PDE11A: variants seen among roughly 807,000 people sequenced by gnomAD.
PDE11A encodes dual 3',5'-cyclic-AMP and -GMP phosphodiesterase 11A.
PDE11A carries 100 observed loss-of-function variants against 100.5 expected under a neutral mutation model. The ratio of observed to expected loss-of-function variants is 1.00; its 90% CI spans 0.85 to 1.18. PDE11A has a LOEUF of 1.18. Ranked by LOEUF, PDE11A falls within the 50% of genes most tolerant of loss-of-function variation. The probability of loss-of-function intolerance (pLI) is 0.00; values close to 1 mark genes in which losing one functional copy is unlikely to be tolerated. For missense variants in PDE11A, 1,141 were observed against 1,152.6 expected, an observed-to-expected ratio of 0.99 and a Z score of 0.15; for synonymous variants, 381 against 420.8, an observed-to-expected ratio of 0.91 and a Z score of 1.16.
At chr2:177,905,313 TAC>T (rs2084770002) in intron 2 of PDE11A, 126 bp from the exon 3 acceptor site, 2 of 604,352 alleles carry the variant, frequency 3.3e-6, no homozygotes, top group African/African-American at 1.8e-5. Flanking sequence ...AGAGATTGAA[TAC>T]AGAGAGTTGT....
chr2:177,704,417 G>T (rs2081248577), intron 13 of PDE11A, among the ~76,000 whole-genome samples: 1 of 151,418 alleles, frequency 6.6e-6, no homozygotes, highest in South Asian at 2.1e-4. Flanking sequence ...TACACTATTA[G>T]ATTTGGCCCC....
At chr2:177,705,793 GCC>G (rs1321429689) in intron 13 of PDE11A, among the ~76,000 whole-genome samples, 1 of 152,210 alleles carries the variant, frequency 6.6e-6, no homozygotes, top group African/African-American at 2.4e-5. Flanking sequence ...AGATTAATGT[GCC>G]CCAGTATTTC....
At chr2:177,669,472 A>C in intron 18 of PDE11A, 21 bp downstream of exon 18, 1 of 958,288 alleles carries the variant, frequency 1.0e-6, no homozygotes, top group South Asian at 1.3e-5. Flanking sequence ...TAAATACGTT[A>C]TAATTAAAGG....
intron 19 of PDE11A, among the ~76,000 whole-genome samples, chr2:177,635,778 C>T (rs1360000413): frequency 6.6e-6 from 1 of 151,966 alleles, no homozygotes; most frequent in African/African-American, 2.4e-5. Flanking sequence ...AATGGTAGTA[C>T]ACCATACAGA....
chr2:177,857,497 C>G (rs76727765), intron 5 of PDE11A, among the ~76,000 whole-genome samples: 12 of 151,922 alleles, frequency 7.9e-5, no homozygotes, highest in Non-Finnish European at 8.8e-5. Flanking sequence ...ATAGGCTTAT[C>G]GTATGAAAAG....
intron 2 of PDE11A, among the ~76,000 whole-genome samples, chr2:177,906,177 A>ACACGCACGCACG (rs3037874): frequency 6.6e-6 from 1 of 151,038 alleles, no homozygotes; most frequent in Non-Finnish European, 1.5e-5. Flanking sequence ...ACACACACAC[A>ACACGCACGCACG]CACGCACGCA....
intron 4 of PDE11A, among the ~76,000 whole-genome samples, chr2:177,882,243 T>A (rs1473891919): frequency 2.0e-5 from 3 of 152,172 alleles, no homozygotes; most frequent in African/African-American, 7.2e-5. Context: ...CTTATATTTT[T>A]AAAAAGAATT....
chr2:177,704,252 A>T (rs1339742567), intron 13 of PDE11A, among the ~76,000 whole-genome samples: 1 of 152,214 alleles, frequency 6.6e-6, no homozygotes, highest in African/African-American at 2.4e-5. Flanking sequence ...TTTTTCTCTG[A>T]TCAACCTTGC....
chr2:178,019,297 A>G (rs1395743572), intron 1 of PDE11A, among the ~76,000 whole-genome samples: 1 of 152,210 alleles, frequency 6.6e-6, no homozygotes, highest in East Asian at 1.9e-4. Context: ...AGTTCCGTTT[A>G]GGGAAGAAGT....
intron 1 of PDE11A, among the ~76,000 whole-genome samples, chr2:178,107,711 C>CTTTTT (rs772556248): frequency 1.4e-5 from 2 of 142,654 alleles, no homozygotes; most frequent in Non-Finnish European, 3.0e-5. Flanking sequence ...TTAACAATTC[C>CTTTTT]TTTTTTTTTC....
chr2:177,742,928 G>C (rs1199809242), intron 10 of PDE11A, among the ~76,000 whole-genome samples: 1 of 152,214 alleles, frequency 6.6e-6, no homozygotes, highest in South Asian at 2.1e-4. Context: ...GCCAGCAAGA[G>C]GAAAGTGTTA....
At chr2:177,942,318 A>G (rs964637923) in intron 2 of PDE11A, among the ~76,000 whole-genome samples, 2 of 152,254 alleles carry the variant, frequency 1.3e-5, no homozygotes, top group Admixed American at 1.3e-4. Context: ...TAAGGCATTT[A>G]AAACAGGACC....
At chr2:178,042,664 T>C (rs986148991) in intron 1 of PDE11A, among the ~76,000 whole-genome samples, 1 of 152,164 alleles carries the variant, frequency 6.6e-6, no homozygotes, top group Non-Finnish European at 1.5e-5. Flanking sequence ...TTTTACATGA[T>C]GGAGTTTCTA....
intron 2 of PDE11A, among the ~76,000 whole-genome samples, chr2:177,992,433 T>A (rs1008017802): frequency 6.6e-6 from 1 of 152,138 alleles, no homozygotes; most frequent in African/African-American, 2.4e-5. Flanking sequence ...GTTCTATGTA[T>A]ATAGATGGTA....
chr2:177,853,878 A>G (rs1372812267), intron 5 of PDE11A, among the ~76,000 whole-genome samples: 1 of 145,470 alleles, frequency 6.9e-6, no homozygotes, highest in Non-Finnish European at 1.5e-5. Flanking sequence ...GTATATAGAT[A>G]TCTATATATG....
At chr2:177,840,207 C>A (rs180956040) in intron 6 of PDE11A, 44 bp downstream of exon 6, 5 of 1,602,730 alleles carry the variant, frequency 3.1e-6, no homozygotes, top group African/African-American at 1.3e-5. Flanking sequence ...TTCAACAGTG[C>A]GACAACTGAA....
At chr2:177,646,914 T>A (rs1052315685) in intron 19 of PDE11A, among the ~76,000 whole-genome samples, 10 of 152,216 alleles carry the variant, frequency 6.6e-5, no homozygotes, top group Admixed American at 1.3e-4. Context: ...CAGTTTCTTG[T>A]GTTATAATGA....
At chr2:178,019,235 C>T (rs755963535) in intron 1 of PDE11A, among the ~76,000 whole-genome samples, 24 of 152,202 alleles carry the variant, frequency 1.6e-4, no homozygotes, top group Non-Finnish European at 2.9e-4. Context: ...TCTCACACTA[C>T]TAATTTCTAA....
intron 1 of PDE11A, among the ~76,000 whole-genome samples, chr2:178,017,217 T>G (rs2086349810): frequency 6.6e-6 from 1 of 152,280 alleles, no homozygotes; most frequent in South Asian, 2.1e-4. Flanking sequence ...TTGGCATGTA[T>G]GTAGAGACAT....
Sources: allele counts gnomAD v4.1 joint callset (sites outside exome capture counted in the v4.1 genomes callset), GRCh38; gene constraint gnomAD v4.1.1; transcripts MANE v1.5; gene names NCBI Gene and HGNC (gene_info 2026-07-23, HGNC 2026-07-21).